LDLRAD3: variants seen among roughly 807,000 people sequenced by gnomAD.
LDLRAD3 encodes low density lipoprotein receptor class A domain containing 3, also known as low-density lipoprotein receptor class A domain-containing protein 3.
A neutral mutation model predicts 29.4 loss-of-function variants in LDLRAD3; 20 were observed. The observed-to-expected ratio is 0.68, with a 90% CI of 0.48 to 0.99. LDLRAD3 has a LOEUF of 0.99. Ranked by LOEUF, LDLRAD3 falls within the 50% of genes least tolerant of loss-of-function variation. The pLI, the probability that LDLRAD3 is intolerant of heterozygous loss-of-function variation, is 0.00. For missense variants in LDLRAD3, 420 were observed against 454.3 expected (o/e 0.92, Z 0.69); for synonymous variants, 157 against 192.7 (o/e 0.81, Z 1.53).
At chr11:36,116,595 A>G (rs1010911742) in intron 4 of LDLRAD3, among the ~76,000 whole-genome samples, 1 of 152,164 alleles carries the variant, frequency 6.6e-6, no homozygotes, top group Non-Finnish European at 1.5e-5. Context: ...ATCCTTGGAC[A>G]AGAGAGACTC....
intron 4 of LDLRAD3, among the ~76,000 whole-genome samples, chr11:36,156,572 T>A (rs1854354711): frequency 6.6e-6 from 1 of 152,192 alleles, no homozygotes; most frequent in Non-Finnish European, 1.5e-5. Flanking sequence ...TGGGTTTTGT[T>A]TGTTTACCCA....
At chr11:35,994,790 C>T (rs1241420498) in intron 1 of LDLRAD3, among the ~76,000 whole-genome samples, 1 of 152,208 alleles carries the variant, frequency 6.6e-6, no homozygotes, top group Non-Finnish European at 1.5e-5. Context: ...GTCATTTCAA[C>T]AGTGTTCATA....
chr11:36,169,574 A>C (rs542797451), intron 4 of LDLRAD3, among the ~76,000 whole-genome samples: 1 of 152,248 alleles, frequency 6.6e-6, no homozygotes, highest in East Asian at 1.9e-4. Context: ...GGCTTATTTC[A>C]CTTAACCTAA....
At chr11:36,154,550 G>T (rs914258992) in intron 4 of LDLRAD3, among the ~76,000 whole-genome samples, 1 of 152,208 alleles carries the variant, frequency 6.6e-6, no homozygotes, top group Non-Finnish European at 1.5e-5. Context: ...GTAGGGAAAA[G>T]AAATTGTTTG....
At chr11:36,033,526 G>A (rs182421765) in intron 1 of LDLRAD3, among the ~76,000 whole-genome samples, 2 of 152,352 alleles carry the variant, frequency 1.3e-5, no homozygotes, top group East Asian at 1.9e-4. Context: ...TTGCAGTGAC[G>A]TTTCCAGGGG....
chr11:36,135,319 C>G (rs1853988372), intron 4 of LDLRAD3, among the ~76,000 whole-genome samples: 1 of 152,186 alleles, frequency 6.6e-6, no homozygotes, highest in African/African-American at 2.4e-5. Flanking sequence ...AGATTGATTG[C>G]TGGCTTTTTG....
intron 4 of LDLRAD3, among the ~76,000 whole-genome samples, chr11:36,158,863 T>C (rs1854393526): frequency 6.6e-6 from 1 of 152,212 alleles, no homozygotes; most frequent in Admixed American, 6.5e-5. Context: ...CATGTATACG[T>C]TGTGTAATGA....
At chr11:36,026,074 C>T (rs1411847820) in intron 1 of LDLRAD3, among the ~76,000 whole-genome samples, 1 of 152,106 alleles carries the variant, frequency 6.6e-6, no homozygotes, top group African/African-American at 2.4e-5. Flanking sequence ...GCCACCACAC[C>T]CGGCCCTGAA....
At chr11:36,111,414 C>CT (rs552616757) in intron 4 of LDLRAD3, among the ~76,000 whole-genome samples, 14 of 150,844 alleles carry the variant, frequency 9.3e-5, no homozygotes, top group South Asian at 4.2e-4. Flanking sequence ...TCAGTTATGT[C>CT]TTTTTTTTTG....
At position 36,175,517 on chromosome 11, in the gene LDLRAD3, A is replaced by G. The variant is rs115168089; in HGVS notation, c.455-51568A>G. Among the ~76,000 whole-genome samples, 1,208 of 152,188 alleles carry G rather than the reference A, an allele frequency of 7.9e-3. 14 individuals carry two copies. Among genetic ancestry groups the G allele is most frequent in the African/African-American group, 0.027 (1,137 of 41,520 alleles). On this transcript the variant is annotated intron_variant, in intron 4 of 5. Coordinates refer to ENST00000315571, the MANE Select transcript of LDLRAD3 (RefSeq NM_174902.4). ...GTTTTTGGTAGGTTGTATCACTATTATTGTTCAGTTCAAGGAATTTTAATT... is the reference window on the plus strand; with the variant it reads ...GTTTTTGGTAGGTTGTATCACTATTGTTGTTCAGTTCAAGGAATTTTAATT...
intron 4 of LDLRAD3, among the ~76,000 whole-genome samples, chr11:36,189,753 A>G (rs1590342436): frequency 6.9e-6 from 1 of 145,978 alleles, no homozygotes; most frequent in East Asian, 2.0e-4. Context: ...AACAGGCCCC[A>G]CTGTGTGATG....
chr11:36,204,066 C>A (rs1855167841), intron 4 of LDLRAD3, among the ~76,000 whole-genome samples: 1 of 151,896 alleles, frequency 6.6e-6, no homozygotes, highest in Non-Finnish European at 1.5e-5. Flanking sequence ...CATTAGCTGA[C>A]CCGGGGAGAA....
At chr11:36,077,979 G>A (rs1853044017) in intron 2 of LDLRAD3, among the ~76,000 whole-genome samples, 1 of 152,146 alleles carries the variant, frequency 6.6e-6, no homozygotes, top group South Asian at 2.1e-4. Context: ...GAACTTTATT[G>A]AGTAATAGAA....
chr11:36,198,738 T>C (rs1315582932), intron 4 of LDLRAD3, among the ~76,000 whole-genome samples: 2 of 152,226 alleles, frequency 1.3e-5, no homozygotes, highest in Admixed American at 1.3e-4. Context: ...CCTTACAGTG[T>C]ATTCTCCTGA....
At chr11:36,098,781 T>TG (rs1435966896) in intron 4 of LDLRAD3, among the ~76,000 whole-genome samples, 2 of 152,374 alleles carry the variant, frequency 1.3e-5, no homozygotes, top group East Asian at 3.9e-4. Context: ...AACGCTTTAT[T>TG]GGGGCAATCC....
At chr11:36,049,130 G>T (rs1331012352) in intron 2 of LDLRAD3, among the ~76,000 whole-genome samples, 1 of 152,130 alleles carries the variant, frequency 6.6e-6, no homozygotes, top group Non-Finnish European at 1.5e-5. Context: ...CCAGGACTTG[G>T]CTGTAACTGC....
intron 4 of LDLRAD3, among the ~76,000 whole-genome samples, chr11:36,107,289 C>A (rs906800970): frequency 6.6e-6 from 1 of 152,054 alleles, no homozygotes; most frequent in African/African-American, 2.4e-5. Context: ...CAACCTCCAC[C>A]TCCCAGGTTC....
intron 4 of LDLRAD3, among the ~76,000 whole-genome samples, chr11:36,161,790 G>T (rs553620363): frequency 6.6e-6 from 1 of 152,362 alleles, no homozygotes; most frequent in South Asian, 2.1e-4. Flanking sequence ...GAGAACAAGT[G>T]TAAGTTCTTG....
In LDLRAD3 at chr11:35,961,135, A is replaced by G. The variant is rs76085328; in HGVS notation, c.46+16991A>G. Reference sequence around the variant, plus strand: ...TCTGCTGGAGATCAGAATGTTTCCCAATTGTGTGGATTCTGGTGCCCCCGT... The same window carrying G: ...TCTGCTGGAGATCAGAATGTTTCCCGATTGTGTGGATTCTGGTGCCCCCGT... On this transcript the variant is annotated intron_variant, in intron 1 of 5. Coordinates refer to ENST00000315571, the MANE Select transcript of LDLRAD3 (RefSeq NM_174902.4). Among the ~76,000 whole-genome samples the G allele has an allele frequency of 3.1e-3, 468 of 152,230 alleles. 1 individual carries two copies. Among genetic ancestry groups the G allele is most frequent in the Non-Finnish European group, 5.5e-3 (374 of 68,000 alleles).
Sources: allele counts gnomAD v4.1 joint callset (sites outside exome capture counted in the v4.1 genomes callset), GRCh38; gene constraint gnomAD v4.1.1; transcripts MANE v1.5; gene names NCBI Gene and HGNC (gene_info 2026-07-23, HGNC 2026-07-21).